SLC26A5: variants seen among roughly 807,000 people sequenced by gnomAD.
SLC26A5 encodes the protein solute carrier family 26 member 5.
SLC26A5 carries 51 observed loss-of-function variants against 81.0 expected under a neutral mutation model. The ratio of observed to expected loss-of-function variants is 0.63; its 90% CI spans 0.50 to 0.80. SLC26A5 has a LOEUF of 0.80. SLC26A5 is among the 30% of genes least tolerant of loss of function. The pLI is 0.00. For synonymous variants in SLC26A5, 325 were observed against 332.8 expected, an observed-to-expected ratio of 0.98 and a Z score of 0.25; for missense variants, 771 against 905.8, an observed-to-expected ratio of 0.85 and a Z score of 1.91.
At chr7:103,382,756 T>C (rs1736318007) in intron 14 of SLC26A5, among the ~76,000 whole-genome samples, 1 of 151,666 alleles carries the variant, frequency 6.6e-6, no homozygotes, top group Non-Finnish European at 1.5e-5. Context: ...CTTTGAACAA[T>C]GCTGCTGGGC....
Position 103,390,185 on chromosome 7 carries a change from AAACCCCG to A in SLC26A5, c.1311+237_1311+243del, listed in dbSNP as rs929828715. ...AGGGATGTTCAAGATCAGCCAGTCC[AAACCCCG>A]ACTTTGCAGATAAGGAAACCGAGAC... On this transcript the variant is annotated intron_variant, in intron 12 of 19. Transcript: ENST00000306312. Among the ~76,000 whole-genome samples, 20 of 152,164 alleles carry A rather than the reference AAACCCCG, an allele frequency of 1.3e-4. 1 individual carries two copies. The highest frequency in any genetic ancestry group is 6.5e-5 in the Admixed American group (1 of 15,270).
rs568093748 is a variant in SLC26A5, at chr7:103,390,203, T to C, written c.1311+226A>G. Reference sequence around the variant, plus strand: ...CCAGTCCAAACCCCGACTTTGCAGATAAGGAAACCGAGACTCAGAGGAGTT... The same window carrying C: ...CCAGTCCAAACCCCGACTTTGCAGACAAGGAAACCGAGACTCAGAGGAGTT... On this transcript the variant is annotated intron_variant, in intron 12 of 19. Transcript: ENST00000306312. Among the ~76,000 whole-genome samples the C allele has an allele frequency of 2.6e-5, 4 of 152,230 alleles. 1 individual carries two copies. The highest frequency in any genetic ancestry group is 9.6e-5 in the African/African-American group (4 of 41,526).
intron 2 of SLC26A5, among the ~76,000 whole-genome samples, chr7:103,427,055 T>C (rs1030638068): frequency 4.0e-5 from 6 of 151,874 alleles, no homozygotes; most frequent in Non-Finnish European, 5.9e-5. Context: ...GAAGGTAACT[T>C]AGAACATTTT....
At chr7:103,389,480 G>A in intron 12 of SLC26A5, 56 bp from the exon 13 acceptor site, 1 of 1,311,774 alleles carries the variant, frequency 7.6e-7, no homozygotes, top group East Asian at 2.3e-5. Flanking sequence ...AGTGTCCTTT[G>A]CTGGTTCCTC....
chr7:103,363,282 G>C (rs1194459896), intron 19 of SLC26A5: 1 of 1,344,426 alleles, frequency 7.4e-7, no homozygotes, highest in Admixed American at 1.7e-5. Context: ...CTATTCTATT[G>C]AATTTGGACA....
At chr7:103,404,034 C>T (rs113784565) in intron 8 of SLC26A5, among the ~76,000 whole-genome samples, 3,566 of 152,096 alleles carry the variant, frequency 0.023, 128 homozygotes, top group African/African-American at 0.081. Context: ...AATACAAAAA[C>T]TAGCTGGGCG....
intron 2 of SLC26A5, chr7:103,433,438 A>G (rs1235049662): frequency 6.6e-6 from 1 of 152,166 alleles, no homozygotes; most frequent in East Asian, 1.9e-4. Flanking sequence ...TAGAAGTGCC[A>G]TCATCATCAG....
chr7:103,404,378 G>T (rs1246461875), intron 8 of SLC26A5, among the ~76,000 whole-genome samples: 1 of 152,114 alleles, frequency 6.6e-6, no homozygotes, highest in African/African-American at 2.4e-5. Context: ...AGGCAGGCCT[G>T]GTGGTGACAA....
At chr7:103,383,322 G>C (rs1821937543) in intron 14 of SLC26A5, among the ~76,000 whole-genome samples, 1 of 152,212 alleles carries the variant, frequency 6.6e-6, no homozygotes, top group Non-Finnish European at 1.5e-5. Context: ...AAGGTGCTAG[G>C]GAAGGATTAG....
intron 8 of SLC26A5, among the ~76,000 whole-genome samples, chr7:103,403,645 T>G (rs1823782785): frequency 6.6e-6 from 1 of 152,134 alleles, no homozygotes; most frequent in Non-Finnish European, 1.5e-5. Context: ...TTTTTTGATC[T>G]TTGTTGGTTT....
intron 8 of SLC26A5, 142 bp downstream of exon 8, chr7:103,407,709 A>G (rs1824165290): frequency 2.2e-6 from 2 of 903,754 alleles, no homozygotes; most frequent in Non-Finnish European, 3.4e-6. Flanking sequence ...TTGTCAATGA[A>G]TTTGTCAAAT....
At chr7:103,419,347 G>A (rs916437292) in intron 4 of SLC26A5, among the ~76,000 whole-genome samples, 1 of 152,060 alleles carries the variant, frequency 6.6e-6, no homozygotes, top group African/African-American at 2.4e-5. Flanking sequence ...GCCTACTTCT[G>A]CCCACCTCGC....
chr7:103,384,917 G>A (rs917149652), intron 14 of SLC26A5, among the ~76,000 whole-genome samples: 10 of 152,086 alleles, frequency 6.6e-5, no homozygotes, highest in South Asian at 4.1e-4. Flanking sequence ...TTAGGACAAC[G>A]CAACCTTTGA....
At position 103,417,552 on chromosome 7, in the gene SLC26A5, C is replaced by T. The variant is rs970652716; in HGVS notation, c.292+3186G>A. ...CTTCTTTTTTCATTCCACATTCTTT[C>T]CCTAGGTGCCGTGGTCTATTGCCAT... On this transcript the variant is annotated intron_variant, in intron 4 of 19. Coordinates refer to ENST00000306312, the MANE Select transcript of SLC26A5 (RefSeq NM_198999.3). Among the ~76,000 whole-genome samples the T allele has an allele frequency of 4.6e-5, 7 of 152,014 alleles. No homozygotes were observed. In the East Asian group the frequency reaches 9.7e-4, roughly 21 times the overall value.
chr7:103,391,875 T>A (rs1277008925), intron 10 of SLC26A5, 140 bp from the exon 11 acceptor site: 1 of 741,340 alleles, frequency 1.3e-6, no homozygotes, highest in African/African-American at 1.7e-5. Context: ...TTGTTCAGCA[T>A]GAGTTCAAAA....
intron 2 of SLC26A5, among the ~76,000 whole-genome samples, chr7:103,427,172 C>G (rs980634264): frequency 1.3e-5 from 2 of 151,252 alleles, no homozygotes; most frequent in African/African-American, 4.9e-5. Context: ...CTCCTGGGTT[C>G]AAGCGATTTT....
intron 1 of SLC26A5, chr7:103,445,180 G>T (rs1396840596): frequency 1.3e-5 from 2 of 152,160 alleles, no homozygotes; most frequent in African/African-American, 2.4e-5. Flanking sequence ...GCTAGGAAAA[G>T]AATTTTGCCC....
intron 2 of SLC26A5, among the ~76,000 whole-genome samples, chr7:103,432,924 CT>C (rs1345718542): frequency 1.3e-5 from 2 of 152,110 alleles, no homozygotes; most frequent in Non-Finnish European, 2.9e-5. Context: ...TTTGAGGCTT[CT>C]GAACCACAGA....
chr7:103,443,204 C>T lies in SLC26A5; in HGVS notation c.-175G>A, dbSNP rs1428879809. 1 of 152,112 alleles carries T rather than the reference C, an allele frequency of 6.6e-6. No homozygotes were observed. The highest frequency in any genetic ancestry group is 1.5e-5 in the Non-Finnish European group (1 of 68,056). 9.4% of individuals were successfully genotyped at this position (152,112 alleles called of 1,614,324 possible). A position where few individuals can be genotyped will look rare whatever the true frequency, so the allele number is the denominator to read the frequency against. On this transcript the variant is annotated 5_prime_UTR_variant, in exon 2 of 20. Coordinates refer to ENST00000306312, the MANE Select transcript of SLC26A5 (RefSeq NM_198999.3). ...AGAGCAGGAGAAGGGAGAGCTCGCT[C>T]CTTGGCCCTATGTATAGAAGAAGAA...
Sources: gnomAD v4.1 joint callset for allele counts (sites outside exome capture counted in the v4.1 genomes callset) on GRCh38, gnomAD v4.1.1 for gene constraint, MANE v1.5 for transcripts, NCBI Gene and HGNC (gene_info 2026-07-23, HGNC 2026-07-21) for gene names.